FDFT1: variants seen among roughly 807,000 people sequenced by gnomAD.
The protein encoded by FDFT1 is farnesyl-diphosphate farnesyltransferase 1, also known as squalene synthase.
In FDFT1, 68 loss-of-function variants were observed where a neutral mutation model predicts 46.8. The observed-to-expected ratio is 1.45, with a 90% CI of 1.19 to 1.78. FDFT1 has a LOEUF of 1.78. Among genes scored for constraint, FDFT1 ranks in the 40% most tolerant of loss-of-function variants. FDFT1 has a pLI of 0.00. For synonymous variants in FDFT1, 351 were observed against 185.1 expected (o/e 1.90, Z -7.28); for missense variants, 928 against 524.4 (o/e 1.77, Z -7.52).
intron 3 of FDFT1, among the ~76,000 whole-genome samples, chr8:11,817,808 T>G (rs1808668591): frequency 6.8e-6 from 1 of 146,414 alleles, no homozygotes; most frequent in African/African-American, 2.6e-5. Flanking sequence ...AAAAACCAGC[T>G]CCTGGATTCA....
intron 1 of FDFT1, 57 bp downstream of exon 1, chr8:11,802,988 C>G: frequency 6.5e-7 from 1 of 1,549,834 alleles, no homozygotes; most frequent in Non-Finnish European, 8.7e-7. Flanking sequence ...GGGCCGGCCT[C>G]AGGGCCTGAG....
At chr8:11,809,545 C>T (rs772447461) in intron 2 of FDFT1, 122 bp from the exon 3 acceptor site, 15 of 1,298,256 alleles carry the variant, frequency 1.2e-5, no homozygotes, top group Non-Finnish European at 1.3e-5. Context: ...GTTGGATATC[C>T]TTATAGTTCT....
intron 3 of FDFT1, 74 bp downstream of exon 3, chr8:11,809,924 A>G (rs1807469036): frequency 7.8e-6 from 9 of 1,154,806 alleles, no homozygotes; most frequent in South Asian, 7.4e-5. Flanking sequence ...GGTAGCCTCC[A>G]TACATGTGGA....
intron 6 of FDFT1, among the ~76,000 whole-genome samples, chr8:11,831,228 A>G (rs184103113): frequency 6.6e-6 from 1 of 152,326 alleles, no homozygotes; most frequent in African/African-American, 2.4e-5. Context: ...AGCATGGAAA[A>G]TGTTGGATTT....
chr8:11,821,092 A>T (rs962774949), intron 3 of FDFT1, among the ~76,000 whole-genome samples: 8 of 152,210 alleles, frequency 5.3e-5, no homozygotes, highest in Non-Finnish European at 1.0e-4. Context: ...TGCTTGATCC[A>T]TGTTTGCACA....
chr8:11,829,452 G>A (rs888049923), intron 5 of FDFT1, among the ~76,000 whole-genome samples: 1 of 152,196 alleles, frequency 6.6e-6, no homozygotes, highest in South Asian at 2.1e-4. Context: ...GATAGACTCA[G>A]CTCATTTCCC....
At chr8:11,827,859 G>A (rs74714160) in intron 5 of FDFT1, among the ~76,000 whole-genome samples, 4 of 151,566 alleles carry the variant, frequency 2.6e-5, no homozygotes, top group African/African-American at 9.7e-5. Context: ...GGACAACGTA[G>A]TGAGACCTTA....
In FDFT1 at chr8:11,795,617, A is replaced by T. The variant is rs1009127657; in HGVS notation, c.-488A>T. The T allele has an allele frequency of 1.3e-5, 2 of 151,168 alleles. 1 individual carries two copies. The highest frequency in any genetic ancestry group is 1.3e-4 in the Admixed American group (2 of 15,166). The allele number at this position is 151,168 out of a possible 1,614,324, so 9.4% of individuals were successfully genotyped here. On this transcript the variant is annotated 5_prime_UTR_variant, in exon 1 of 8. Coordinates refer to the FDFT1 transcript ENST00000538689. ...TGGGTTTGCTTTACAACGCTTGGGAAGCTTTGTTGTTTGCAATAAATTTTA... is the reference window on the plus strand; with the variant it reads ...TGGGTTTGCTTTACAACGCTTGGGATGCTTTGTTGTTTGCAATAAATTTTA...
At chr8:11,809,070 C>T in intron 2 of FDFT1, 179 bp downstream of exon 2, 1 of 1,285,380 alleles carries the variant, frequency 7.8e-7, no homozygotes, top group Non-Finnish European at 1.0e-6. Flanking sequence ...TCTTTGCCAT[C>T]TAGTAGAGTC....
intron 7 of FDFT1, among the ~76,000 whole-genome samples, chr8:11,837,768 G>C (rs1321308484): frequency 1.3e-5 from 2 of 152,188 alleles, no homozygotes; most frequent in Non-Finnish European, 2.9e-5. Flanking sequence ...TCACGTTGGA[G>C]ACTGAGATAG....
intron 1 of FDFT1, among the ~76,000 whole-genome samples, chr8:11,804,675 C>A (rs1806591733): frequency 6.9e-6 from 1 of 145,082 alleles, no homozygotes; most frequent in African/African-American, 2.6e-5. Context: ...GGCGGGACCT[C>A]AGCTAGATGC....
chr8:11,807,054 C>G (rs1330097245), intron 1 of FDFT1, among the ~76,000 whole-genome samples: 1 of 151,744 alleles, frequency 6.6e-6, no homozygotes, highest in Non-Finnish European at 1.5e-5. Flanking sequence ...TCACTTAAAC[C>G]TCCCACCAGA....
intron 3 of FDFT1, among the ~76,000 whole-genome samples, chr8:11,820,220 G>A (rs1023958536): frequency 6.6e-6 from 1 of 152,066 alleles, no homozygotes; most frequent in Admixed American, 6.5e-5. Context: ...TGGAAGCTTC[G>A]TCCAAGAAGG....
At chr8:11,828,187 T>C (rs1332294619) in intron 5 of FDFT1, among the ~76,000 whole-genome samples, 1 of 150,006 alleles carries the variant, frequency 6.7e-6, no homozygotes, top group Non-Finnish European at 1.5e-5. Flanking sequence ...CCTTGGGAGG[T>C]TGAGGCAGGA....
At position 11,808,436 on chromosome 8, in the gene FDFT1, G is replaced by A. The variant is rs1348849187; in HGVS notation, c.100-358G>A. 5 of 1,266,966 alleles carry A rather than the reference G, an allele frequency of 3.9e-6. 1 individual carries two copies. The highest frequency in any genetic ancestry group is 5.9e-4 in the Middle Eastern group (2 of 3,372). 78.5% of individuals were successfully genotyped at this position (1,266,966 alleles called of 1,614,324 possible). Reference sequence around the variant, plus strand: ...CCCAGCGCGTATTCGAGTAGAGGGCGAGCCCGTCCCGCCCCTCGTCGGGCG... The same window carrying A: ...CCCAGCGCGTATTCGAGTAGAGGGCAAGCCCGTCCCGCCCCTCGTCGGGCG... On this transcript the variant is annotated intron_variant, in intron 1 of 7. Coordinates refer to ENST00000220584, the MANE Select transcript of FDFT1 (RefSeq NM_004462.5).
chr8:11,825,853 C>T (rs1809898671), intron 4 of FDFT1, 171 bp from the exon 5 acceptor site: 1 of 417,688 alleles, frequency 2.4e-6, no homozygotes, highest in South Asian at 9.1e-5. Flanking sequence ...GTTTTGAGCA[C>T]ATCCTTCTTG....
Position 11,838,921 on chromosome 8 carries a change from A to T in FDFT1, c.*312A>T, listed in dbSNP as rs1011906726. On this transcript the variant is annotated 3_prime_UTR_variant, in exon 8 of 8. Transcript: ENST00000220584. ...TGACTGTCATGAGATCCTACTTAGT[A>T]TGATCCTGGCTAGAATGATAATTAA... 2.8e-6 allele frequency: 1 copy of T among 351,440 alleles called. No homozygotes were observed. The highest frequency in any genetic ancestry group is 5.3e-6 in the Non-Finnish European group (1 of 189,604). 21.8% of individuals were successfully genotyped at this position (351,440 alleles called of 1,614,324 possible). A position where few individuals can be genotyped will look rare whatever the true frequency, so the allele number is the denominator to read the frequency against.
intron 7 of FDFT1, 169 bp downstream of exon 7, chr8:11,831,839 C>A: frequency 1.6e-6 from 1 of 620,766 alleles, no homozygotes; most frequent in Non-Finnish European, 2.8e-6. Flanking sequence ...TTCACAGGAG[C>A]CGAGCAGATT....
chr8:11,795,700 T>C (rs191709735), exon 1 of FDFT1: 13 of 152,172 alleles, frequency 8.5e-5, no homozygotes, highest in Non-Finnish European at 1.5e-5. Flanking sequence ...ACAGGGTAGG[T>C]TTGCAGCTTC....
Sources: allele counts gnomAD v4.1 joint callset (sites outside exome capture counted in the v4.1 genomes callset), GRCh38; gene constraint gnomAD v4.1.1; transcripts MANE v1.5; gene names NCBI Gene and HGNC (gene_info 2026-07-23, HGNC 2026-07-21).